CACNA2D4: variants seen among roughly 807,000 people sequenced by gnomAD.
CACNA2D4 encodes voltage-dependent calcium channel subunit alpha-2/delta-4.
CACNA2D4 carries 157 observed loss-of-function variants against 163.8 expected under a neutral mutation model. That is an observed-to-expected ratio of 0.96 (90% CI 0.84 to 1.09). CACNA2D4 has a LOEUF of 1.09. Among genes scored for constraint, CACNA2D4 ranks in the 50% least tolerant of loss-of-function variants. CACNA2D4 has a pLI of 0.00. For synonymous variants in CACNA2D4, 598 were observed against 586.9 expected, an observed-to-expected ratio of 1.02 and a Z score of -0.27; for missense variants, 1,410 against 1,479.9, an observed-to-expected ratio of 0.95 and a Z score of 0.78.
At chr12:1,867,282 C>CT (rs990142775) in intron 18 of CACNA2D4, among the ~76,000 whole-genome samples, 4 of 151,982 alleles carry the variant, frequency 2.6e-5, no homozygotes, top group African/African-American at 9.7e-5. Context: ...TTCAAATATG[C>CT]TTTTTTTCTG....
intron 1 of CACNA2D4, among the ~76,000 whole-genome samples, chr12:1,915,987 AG>A (rs1266479618): frequency 1.3e-5 from 2 of 152,054 alleles, no homozygotes. Context: ...AAGGTTGGGG[AG>A]GGGTAGTGGT....
chr12:1,916,981 C>G (rs895567493), intron 1 of CACNA2D4, among the ~76,000 whole-genome samples: 1 of 152,318 alleles, frequency 6.6e-6, no homozygotes, highest in African/African-American at 2.4e-5. Flanking sequence ...ACTTGGCCCT[C>G]AGCCCACTCC....
At chr12:1,816,100 C>T (rs1592667034) in intron 26 of CACNA2D4, among the ~76,000 whole-genome samples, 1 of 152,306 alleles carries the variant, frequency 6.6e-6, no homozygotes, top group Admixed American at 6.5e-5. Context: ...GGAACCGAGT[C>T]TTCTCCCCCA....
In CACNA2D4 at chr12:1,820,397, GGCCGGCCGTGGT is replaced by G. The variant is rs915893557; in HGVS notation, c.2552-8686_2552-8675del. 6.6e-6 allele frequency: 1 copy of G among 152,242 alleles called. No individual in the cohort carries two copies. The highest frequency in any genetic ancestry group is 2.4e-5 in the African/African-American group (1 of 41,466). The allele number at this position is 152,242 out of a possible 1,614,324, so 9.4% of individuals were successfully genotyped here. ...TGGCCAGGGTGAGCGCTGCCCTCGCGGCCGGCCGTGGTGCCTCTGGTGTGCGCCTGTGTGTGC... is the reference window on the plus strand; with the variant it reads ...TGGCCAGGGTGAGCGCTGCCCTCGCGGCCTCTGGTGTGCGCCTGTGTGTGC... On this transcript the variant is annotated intron_variant, in intron 26 of 37. Transcript: ENST00000382722. The surrounding 1 kb of genome is among the most constrained non-coding windows in gnomAD (Gnocchi z 6.0).
rs139347375 is a variant in CACNA2D4 at position 1,906,747 on chromosome 12, G to A, written c.781+693C>T. ...GGCAGAGGAACACAATGCCAACTATGGGAACTGCAGGAGCTCTGAGTTCCC... is the reference window on the plus strand; with the variant it reads ...GGCAGAGGAACACAATGCCAACTATAGGAACTGCAGGAGCTCTGAGTTCCC... On this transcript the variant is annotated intron_variant, in intron 6 of 37. Coordinates refer to ENST00000382722, the MANE Select transcript of CACNA2D4 (RefSeq NM_172364.5). Among the ~76,000 whole-genome samples the A allele has an allele frequency of 1.5e-3, 236 of 152,338 alleles. 2 individuals are homozygous for A. The highest frequency in any genetic ancestry group is 3.0e-3 in the Non-Finnish European group (202 of 68,020).
chr12:1,837,669 G>A (rs922093701), intron 26 of CACNA2D4, among the ~76,000 whole-genome samples: 16 of 152,132 alleles, frequency 1.1e-4, no homozygotes, highest in Non-Finnish European at 1.5e-5. Flanking sequence ...AGGGTCCCCC[G>A]GGAGTTCAGC....
intron 24 of CACNA2D4, among the ~76,000 whole-genome samples, chr12:1,846,275 A>G (rs1412038530): frequency 6.6e-6 from 1 of 152,000 alleles, no homozygotes; most frequent in East Asian, 1.9e-4. Flanking sequence ...CCAACCCTCA[A>G]CTTCAAAGTC....
intron 6 of CACNA2D4, 139 bp downstream of exon 6, chr12:1,907,301 G>T: frequency 1.4e-6 from 1 of 695,082 alleles, no homozygotes; most frequent in Non-Finnish European, 2.4e-6. Flanking sequence ...GGGCTAAAGT[G>T]TGGGCTTGGA....
At chr12:1,908,364 G>A (rs1427562481) in intron 4 of CACNA2D4, among the ~76,000 whole-genome samples, 2 of 152,194 alleles carry the variant, frequency 1.3e-5, no homozygotes, top group East Asian at 3.9e-4. Context: ...GACAGGTAGA[G>A]ACAAAAAGCC....
intron 6 of CACNA2D4, among the ~76,000 whole-genome samples, chr12:1,902,486 C>A (rs1216606756): frequency 6.6e-6 from 1 of 151,980 alleles, no homozygotes; most frequent in Non-Finnish European, 1.5e-5. Flanking sequence ...CACCAAAAAA[C>A]TATTAGAACT....
rs1865728297 is a variant in CACNA2D4, at chr12:1,869,613, C to A, written c.1878+4991G>T. 6.6e-6 allele frequency among the ~76,000 whole-genome samples: 1 copy of A among 152,242 alleles called. No homozygotes were observed. Among genetic ancestry groups the A allele is most frequent in the Non-Finnish European group, 1.5e-5 (1 of 68,046 alleles). On this transcript the variant is annotated intron_variant, in intron 18 of 37. Transcript: ENST00000382722. The surrounding 1 kb of genome is among the most constrained non-coding windows in gnomAD (Gnocchi z 4.7). ...CATCTCATCCAGCTTTCCTTCCCAA[C>A]TGCTGGTCATGCTGACCTACAATGA...
At chr12:1,902,665 G>C (rs1011175945) in intron 6 of CACNA2D4, among the ~76,000 whole-genome samples, 4 of 151,958 alleles carry the variant, frequency 2.6e-5, no homozygotes, top group Admixed American at 2.0e-4. Context: ...CCAAAAAAGT[G>C]AAAGTTCTCT....
At chr12:1,853,405 G>A (rs1039363562) in intron 23 of CACNA2D4, among the ~76,000 whole-genome samples, 2 of 152,126 alleles carry the variant, frequency 1.3e-5, no homozygotes, top group African/African-American at 4.8e-5. Flanking sequence ...TTTATTGACT[G>A]TGTAGAGGAG....
chr12:1,885,093 A>G lies in CACNA2D4; in HGVS notation c.1069-17T>C. 6.2e-7 allele frequency: 1 copy of G among 1,608,522 alleles called. No homozygotes were observed. Among genetic ancestry groups the G allele is most frequent in the Non-Finnish European group, 8.5e-7 (1 of 1,174,916 alleles). On this transcript the variant is annotated splice_polypyrimidine_tract_variant and intron_variant, in intron 9 of 37. Transcript: ENST00000382722. ...TTTGAAATGCTGCCATGGGTGAGAT[A>G]TTAGAGAAGCATCAGGGGGTTGAGT...
rs148395737 is a variant in CACNA2D4, at chr12:1,814,377, C to T, written c.2552-2654G>A. 2.6e-3 allele frequency among the ~76,000 whole-genome samples: 390 copies of T among 152,272 alleles called. 2 individuals carry two copies. The highest frequency in any genetic ancestry group is 8.7e-3 in the African/African-American group (362 of 41,544). ...CCAAGCCAAGCTGTGTGTCTTGCCC[C>T]GGGTGTCCTTTGCGAAATTTAGGGC... On this transcript the variant is annotated intron_variant, in intron 26 of 37. Coordinates refer to ENST00000382722, the MANE Select transcript of CACNA2D4 (RefSeq NM_172364.5).
At chr12:1,857,217 A>C (rs1865419589) in intron 20 of CACNA2D4, among the ~76,000 whole-genome samples, 1 of 152,194 alleles carries the variant, frequency 6.6e-6, no homozygotes, top group Non-Finnish European at 1.5e-5. Flanking sequence ...AGGTGAGCAC[A>C]CAGCTAGTGC....
intron 2 of CACNA2D4, among the ~76,000 whole-genome samples, chr12:1,913,453 C>A (rs374122500): frequency 6.6e-6 from 1 of 152,206 alleles, no homozygotes; most frequent in Non-Finnish European, 1.5e-5. Flanking sequence ...GAGCAGGTGA[C>A]CCCTGATGGG....
Position 1,799,385 on chromosome 12 carries a change from C to T in CACNA2D4, c.2995+290G>A, listed in dbSNP as rs1219392910. On this transcript the variant is annotated intron_variant, in intron 34 of 37. Transcript: ENST00000382722. The surrounding 1 kb of genome is among the most constrained non-coding windows in gnomAD (Gnocchi z 4.7). ...GCTGGAGGTTGCTCACTCATACTGG[C>T]TCATGGCCACCCGGCCACACCACCG... Among the ~76,000 whole-genome samples, 2 of 152,212 alleles carry T rather than the reference C, an allele frequency of 1.3e-5. No individual in the cohort carries two copies. Among genetic ancestry groups the T allele is most frequent in the Non-Finnish European group, 2.9e-5 (2 of 68,030 alleles).
At chr12:1,809,851 A>G (rs1005787495) in intron 29 of CACNA2D4, among the ~76,000 whole-genome samples, 3 of 152,136 alleles carry the variant, frequency 2.0e-5, no homozygotes, top group Admixed American at 6.5e-5. Flanking sequence ...TGGGGAAGCC[A>G]TGTCTTCTGG....
Sources: allele counts gnomAD v4.1 joint callset (sites outside exome capture counted in the v4.1 genomes callset), GRCh38; gene constraint gnomAD v4.1.1; non-coding constraint Gnocchi (gnomAD v3.1); transcripts MANE v1.5; gene names NCBI Gene and HGNC (gene_info 2026-07-23, HGNC 2026-07-21).